TOM1L2: variants seen among roughly 807,000 people sequenced by gnomAD.
TOM1L2 encodes target of myb1 like 2 membrane trafficking protein.
Under a neutral mutation model 67.9 loss-of-function variants are expected in TOM1L2, and 31 were observed. The observed-to-expected ratio is 0.46, with a 90% CI of 0.34 to 0.62. TOM1L2 has a LOEUF of 0.62. Ranked by LOEUF, TOM1L2 falls within the 20% of genes least tolerant of loss-of-function variation. The probability of loss-of-function intolerance (pLI) is 0.01; values close to 1 mark genes in which losing one functional copy is unlikely to be tolerated. For synonymous variants in TOM1L2, 256 were observed against 254.0 expected (o/e 1.01, Z -0.07); for missense variants, 606 against 663.5 (o/e 0.91, Z 0.95).
chr17:17,953,099 C>T (rs1317026497), intron 1 of TOM1L2, among the ~76,000 whole-genome samples: 3 of 151,914 alleles, frequency 2.0e-5, no homozygotes, highest in Non-Finnish European at 2.9e-5. Flanking sequence ...GCCAACATGG[C>T]GAAACCCCAT....
chr17:17,952,487 G>C (rs569617130), intron 1 of TOM1L2, among the ~76,000 whole-genome samples: 1 of 142,630 alleles, frequency 7.0e-6, no homozygotes, highest in Non-Finnish European at 1.5e-5. Context: ...ACCTTCCCAG[G>C]CTCAAGCAAT....
At chr17:17,916,833 G>A (rs1047733996) in intron 1 of TOM1L2, among the ~76,000 whole-genome samples, 7 of 152,052 alleles carry the variant, frequency 4.6e-5, no homozygotes, top group Admixed American at 3.9e-4. Flanking sequence ...CACCAGTCTG[G>A]TCAACACAGT....
At chr17:17,853,739 G>A (rs1000016495) in intron 12 of TOM1L2, among the ~76,000 whole-genome samples, 5 of 152,194 alleles carry the variant, frequency 3.3e-5, no homozygotes, top group African/African-American at 9.7e-5. Context: ...GGGGTGAGTC[G>A]CTCCTCTCTG....
At chr17:17,874,334 G>C (rs113971448) in intron 7 of TOM1L2, among the ~76,000 whole-genome samples, 7 of 147,784 alleles carry the variant, frequency 4.7e-5, no homozygotes, top group African/African-American at 1.7e-4. Context: ...ACGGTGGTAC[G>C]ATCTCAGCTC....
At chr17:17,923,047 C>A (rs962021474) in intron 1 of TOM1L2, among the ~76,000 whole-genome samples, 1 of 152,236 alleles carries the variant, frequency 6.6e-6, no homozygotes, top group Non-Finnish European at 1.5e-5. Context: ...CAAAATTCCA[C>A]ACCAGGAGAA....
In TOM1L2 at chr17:17,847,013, G is replaced by A. The variant is rs2035678457; in HGVS notation, c.*622C>T. On this transcript the variant is annotated 3_prime_UTR_variant, in exon 15 of 15. Coordinates refer to ENST00000379504, the MANE Select transcript of TOM1L2 (RefSeq NM_001082968.2). ...TCGGCTGCTGAGCCAGCTTGGGTGT[G>A]AAGCCTGGGCTGGCAGCTGAATGAT... 6.6e-6 allele frequency: 1 copy of A among 152,488 alleles called. No homozygotes were observed. Among genetic ancestry groups the A allele is most frequent in the Non-Finnish European group, 1.5e-5 (1 of 68,268 alleles). The allele number at this position is 152,488 out of a possible 1,614,324, so 9.4% of individuals were successfully genotyped here.
chr17:17,923,211 A>G (rs2039949228), intron 1 of TOM1L2, among the ~76,000 whole-genome samples: 1 of 152,180 alleles, frequency 6.6e-6, no homozygotes, highest in Non-Finnish European at 1.5e-5. Context: ...CAGCCTGGCC[A>G]ACTTGATGAA....
chr17:17,968,168 C>T (rs1027549566), intron 1 of TOM1L2, among the ~76,000 whole-genome samples: 8 of 152,182 alleles, frequency 5.3e-5, no homozygotes, highest in Admixed American at 1.3e-4. Context: ...TTACCTCTAC[C>T]GAAGGCTCCC....
rs3744113 is a variant in TOM1L2, at chr17:17,845,331, T to C, written c.*2304A>G. On this transcript the variant is annotated 3_prime_UTR_variant, in exon 15 of 15. Transcript: ENST00000379504. ...TGGGGCAGCCAGGCCTCTCCAATGA[T>C]GCCTGGCAACCAGCTGGCGCTGGCG... is the stretch of plus-strand genomic sequence containing the variant. 0.52 allele frequency: 79,438 copies of C among 152,254 alleles called. 22,025 individuals carry two copies. Among genetic ancestry groups the C allele is most frequent in the Non-Finnish European group, 0.63 (42,889 of 68,014 alleles). The allele number at this position is 152,254 out of a possible 1,614,324, so 9.4% of individuals were successfully genotyped here. A position where few individuals can be genotyped will look rare whatever the true frequency, so the allele number is the denominator to read the frequency against.
chr17:17,915,284 G>A (rs1158555929), intron 1 of TOM1L2, among the ~76,000 whole-genome samples: 1 of 152,172 alleles, frequency 6.6e-6, no homozygotes, highest in African/African-American at 2.4e-5. Flanking sequence ...TAGCAGGTGA[G>A]ACTATATCAT....
intron 12 of TOM1L2, among the ~76,000 whole-genome samples, chr17:17,855,547 C>A (rs567242412): frequency 6.6e-6 from 1 of 152,186 alleles, no homozygotes; most frequent in Non-Finnish European, 1.5e-5. Context: ...TGAGAGCCGC[C>A]CGGCCCTAGC....
intron 2 of TOM1L2, among the ~76,000 whole-genome samples, chr17:17,902,389 AAGTATT>A (rs1339857893): frequency 6.6e-6 from 1 of 152,200 alleles, no homozygotes; most frequent in Non-Finnish European, 1.5e-5. Flanking sequence ...CCCATTGGTA[AAGTATT>A]GCACAAATAC....
chr17:17,954,659 C>G (rs775981133), intron 1 of TOM1L2, among the ~76,000 whole-genome samples: 3 of 152,074 alleles, frequency 2.0e-5, no homozygotes, highest in Non-Finnish European at 4.4e-5. Context: ...CAGAAATTTT[C>G]TGGTAGAGTT....
rs12602500 is a variant in TOM1L2, at chr17:17,966,203, C to T, written c.52+6059G>A. The stretch of plus-strand genomic sequence containing the variant: ...TACCACCTGAGGTCACCCCTCCCCT[C>T]CTACATTTCCTTACTGCATTTATCT... On this transcript the variant is annotated intron_variant, in intron 1 of 14. Coordinates refer to ENST00000379504, the MANE Select transcript of TOM1L2 (RefSeq NM_001082968.2). 0.024 allele frequency among the ~76,000 whole-genome samples: 3,588 copies of T among 152,244 alleles called. 259 individuals are homozygous for T. In the East Asian group the frequency reaches 0.27, roughly 12 times the overall value.
chr17:17,881,654 C>G lies in TOM1L2; in HGVS notation c.660+1051G>C, dbSNP rs1241691524. On this transcript the variant is annotated intron_variant, in intron 6 of 14. Transcript: ENST00000379504. Reference sequence around the variant, plus strand: ...AGCCCACAGCTGCCTGGTGGGGTAACAAATCACTTGTTCTACTGATGGGAG... The same window carrying G: ...AGCCCACAGCTGCCTGGTGGGGTAAGAAATCACTTGTTCTACTGATGGGAG... Among the ~76,000 whole-genome samples the G allele has an allele frequency of 2.6e-5, 4 of 152,194 alleles. No individual in the cohort carries two copies. The East Asian group carries it at 7.7e-4, about 29-fold the overall frequency.
chr17:17,916,129 A>C (rs543362259), intron 1 of TOM1L2, among the ~76,000 whole-genome samples: 1 of 146,422 alleles, frequency 6.8e-6, no homozygotes, highest in Middle Eastern at 3.2e-3. Flanking sequence ...GCTGGAGTGC[A>C]GTGGCGCGAT....
intron 1 of TOM1L2, among the ~76,000 whole-genome samples, chr17:17,923,810 G>T (rs1215898178): frequency 6.6e-6 from 1 of 152,054 alleles, no homozygotes; most frequent in Non-Finnish European, 1.5e-5. Flanking sequence ...AGACACTCCA[G>T]TCTGAGAGAC....
chr17:17,947,423 T>C (rs150895229), intron 1 of TOM1L2, among the ~76,000 whole-genome samples: 56 of 152,318 alleles, frequency 3.7e-4, no homozygotes, highest in African/African-American at 7.2e-4. Context: ...ATATGACTGA[T>C]TGAATTTGGA....
intron 1 of TOM1L2, among the ~76,000 whole-genome samples, chr17:17,949,597 T>C (rs968651173): frequency 2.0e-5 from 3 of 152,196 alleles, no homozygotes; most frequent in Admixed American, 2.0e-4. Context: ...TCTCAGTAAG[T>C]GTGGCATCCA....
Sources: allele counts gnomAD v4.1 joint callset (sites outside exome capture counted in the v4.1 genomes callset), GRCh38; gene constraint gnomAD v4.1.1; transcripts MANE v1.5; gene names NCBI Gene and HGNC (gene_info 2026-07-23, HGNC 2026-07-21).